The following SPATS2 variants were observed in gnomAD, a reference collection of about 807,000 sequenced individuals.
SPATS2 encodes the protein spermatogenesis associated serine rich 2.
A neutral mutation model predicts 63.7 loss-of-function variants in SPATS2; 38 were observed. The observed-to-expected ratio is 0.60, with a 90% CI of 0.46 to 0.78. SPATS2 has a LOEUF of 0.78. Ranked by LOEUF, SPATS2 falls within the 30% of genes least tolerant of loss-of-function variation. The pLI is 0.00. For synonymous variants in SPATS2, 207 were observed against 232.9 expected (o/e 0.89, Z 1.01); for missense variants, 588 against 666.2 (o/e 0.88, Z 1.29).
chr12:49,486,104 C>A (rs896826848), intron 4 of SPATS2: 3 of 388,258 alleles, frequency 7.7e-6, no homozygotes, highest in African/African-American at 2.1e-5. Context: ...GAGTCCTGTA[C>A]AGTGGTTGAG....
At chr12:49,426,583 A>C (rs1411039320) in intron 2 of SPATS2, among the ~76,000 whole-genome samples, 3 of 152,042 alleles carry the variant, frequency 2.0e-5, no homozygotes, top group Non-Finnish European at 4.4e-5. Flanking sequence ...TCTCGCTGTC[A>C]CCCAGGCTGG....
At chr12:49,518,394 A>G (rs183477273) in intron 10 of SPATS2, among the ~76,000 whole-genome samples, 114 of 152,306 alleles carry the variant, frequency 7.5e-4, no homozygotes, top group African/African-American at 2.6e-3. Context: ...CATGCCAGAG[A>G]AGGTGGTTCT....
chr12:49,367,131 C>T (rs1943909973), upstream of SPATS2: 1 of 156,600 alleles, frequency 6.4e-6, no homozygotes, highest in East Asian at 1.9e-4. Flanking sequence ...CTCTCGCCGC[C>T]CCGCGCCTCT....
intron 10 of SPATS2, among the ~76,000 whole-genome samples, chr12:49,516,156 AAAAAAAAAAAAT>A (rs1170271794): frequency 2.2e-4 from 9 of 41,338 alleles, no homozygotes; most frequent in African/African-American, 9.1e-4. Flanking sequence ...AAAAAAAAAA[AAAAAAAAAAAAT>A]ATATATATAT....
intron 2 of SPATS2, among the ~76,000 whole-genome samples, chr12:49,421,439 A>C (rs1007018872): frequency 1.3e-5 from 2 of 151,082 alleles, no homozygotes; most frequent in African/African-American, 2.4e-5. Flanking sequence ...AAAAAAAAAA[A>C]AAAACAACCT....
chr12:49,455,967 C>G (rs1945712235), intron 2 of SPATS2, among the ~76,000 whole-genome samples: 1 of 152,180 alleles, frequency 6.6e-6, no homozygotes, highest in Non-Finnish European at 1.5e-5. Context: ...TCTATCTAAT[C>G]TCCTGTTCTT....
chr12:49,519,311 C>A, intron 11 of SPATS2, 129 bp downstream of exon 11: 1 of 678,380 alleles, frequency 1.5e-6, no homozygotes, highest in Non-Finnish European at 2.4e-6. Context: ...GGCCCTCTTC[C>A]AAGTCCCTTT....
chr12:49,499,814 T>G (rs1946533836), intron 8 of SPATS2, among the ~76,000 whole-genome samples: 1 of 152,188 alleles, frequency 6.6e-6, no homozygotes. Context: ...AAACCATTGT[T>G]TCATATATTT....
intron 2 of SPATS2, among the ~76,000 whole-genome samples, chr12:49,411,024 G>T (rs772215361): frequency 1.3e-5 from 2 of 152,000 alleles, no homozygotes; most frequent in African/African-American, 4.8e-5. Context: ...TTCAAAATTT[G>T]TATAGGGCCT....
intron 2 of SPATS2, among the ~76,000 whole-genome samples, chr12:49,391,745 TTAAA>T (rs1451322241): frequency 2.6e-5 from 4 of 152,146 alleles, no homozygotes; most frequent in Non-Finnish European, 5.9e-5. Context: ...ATATAATTTT[TTAAA>T]TAAATATTAC....
At chr12:49,506,791 C>T (rs1433770449) in intron 9 of SPATS2, among the ~76,000 whole-genome samples, 1 of 151,846 alleles carries the variant, frequency 6.6e-6, no homozygotes, top group Admixed American at 6.6e-5. Context: ...CATGATCTTG[C>T]CACTGTACTC....
intron 8 of SPATS2, among the ~76,000 whole-genome samples, chr12:49,498,901 C>G (rs575901361): frequency 2.0e-4 from 30 of 152,022 alleles, no homozygotes; most frequent in African/African-American, 7.2e-4. Context: ...ATTCTCCTGC[C>G]TCAGCCTCCC....
intron 2 of SPATS2, among the ~76,000 whole-genome samples, chr12:49,450,815 A>C (rs1384714105): frequency 6.7e-6 from 1 of 148,432 alleles, no homozygotes; most frequent in Non-Finnish European, 1.5e-5. Flanking sequence ...AAGTGCTGGA[A>C]TTACAGGCGC....
chr12:49,481,342 C>T (rs944500603), intron 3 of SPATS2, among the ~76,000 whole-genome samples: 4 of 151,366 alleles, frequency 2.6e-5, no homozygotes, highest in African/African-American at 9.7e-5. Context: ...GCCTGGGCAA[C>T]AGAGCGAGAC....
At chr12:49,417,769 C>A (rs1328224265) in intron 2 of SPATS2, among the ~76,000 whole-genome samples, 1 of 152,212 alleles carries the variant, frequency 6.6e-6, no homozygotes, top group Non-Finnish European at 1.5e-5. Context: ...TATTACAACA[C>A]TTCTGGGAAG....
chr12:49,471,725 A>T (rs978905290), intron 3 of SPATS2, among the ~76,000 whole-genome samples: 1 of 152,208 alleles, frequency 6.6e-6, no homozygotes, highest in South Asian at 2.1e-4. Context: ...CATGTCCAGA[A>T]CTGTTTTCAT....
intron 9 of SPATS2, among the ~76,000 whole-genome samples, chr12:49,504,260 AC>A (rs1261344959): frequency 6.6e-6 from 1 of 152,232 alleles, no homozygotes. Context: ...TTGATGCCGA[AC>A]AAAAACTGAC....
At chr12:49,462,263 A>G (rs1231613397) in intron 3 of SPATS2, 5 of 702,208 alleles carry the variant, frequency 7.1e-6, no homozygotes, top group Non-Finnish European at 1.3e-5. Flanking sequence ...TGCCTCTCTC[A>G]ACTCCTCACA....
intron 3 of SPATS2, among the ~76,000 whole-genome samples, chr12:49,467,923 C>T (rs1468945226): frequency 2.0e-5 from 3 of 151,752 alleles, no homozygotes; most frequent in Non-Finnish European, 2.9e-5. Flanking sequence ...TTAGTAGAGA[C>T]GGGGTTTCAC....
Sources: gnomAD v4.1 joint callset for allele counts (sites outside exome capture counted in the v4.1 genomes callset) on GRCh38, gnomAD v4.1.1 for gene constraint, MANE v1.5 for transcripts, NCBI Gene and HGNC (gene_info 2026-07-23, HGNC 2026-07-21) for gene names.